TXNDC11: variants seen among roughly 807,000 people sequenced by gnomAD.
TXNDC11 encodes thioredoxin domain-containing protein 11.
Under a neutral mutation model 78.0 loss-of-function variants are expected in TXNDC11, and 68 were observed. The ratio of observed to expected loss-of-function variants is 0.87; its 90% confidence interval spans 0.72 to 1.07. TXNDC11 has a LOEUF of 1.07. Ranked by LOEUF, TXNDC11 falls within the 50% of genes least tolerant of loss-of-function variation. The probability of loss-of-function intolerance (pLI) is 0.00; values close to 1 mark genes in which losing one functional copy is unlikely to be tolerated. For missense variants in TXNDC11, 1,389 were observed against 1,221.8 expected (o/e 1.14, Z -2.04); for synonymous variants, 571 against 495.2 (o/e 1.15, Z -2.03).
chr16:11,719,991 G>A (rs908020651), intron 5 of TXNDC11, among the ~76,000 whole-genome samples: 23 of 152,176 alleles, frequency 1.5e-4, no homozygotes, highest in Non-Finnish European at 2.9e-4. Flanking sequence ...AAGGAGAAGC[G>A]AGTGGATACC....
At chr16:11,712,769 G>C (rs775910556) in intron 5 of TXNDC11, among the ~76,000 whole-genome samples, 14 of 151,864 alleles carry the variant, frequency 9.2e-5, no homozygotes, top group Non-Finnish European at 1.6e-4. Flanking sequence ...CCAGGGTAAC[G>C]TGGTGAAACT....
intron 5 of TXNDC11, among the ~76,000 whole-genome samples, chr16:11,713,740 T>G (rs1204416165): frequency 6.6e-6 from 1 of 152,142 alleles, no homozygotes; most frequent in Non-Finnish European, 1.5e-5. Flanking sequence ...TTTAATATGT[T>G]TATTTTAATC....
At chr16:11,710,817 A>T (rs2051328539) in intron 5 of TXNDC11, among the ~76,000 whole-genome samples, 1 of 152,202 alleles carries the variant, frequency 6.6e-6, no homozygotes, top group South Asian at 2.1e-4. Context: ...CCTGTCAAAT[A>T]AATAAATAAA....
intron 4 of TXNDC11, among the ~76,000 whole-genome samples, chr16:11,728,777 C>A (rs886783538): frequency 2.0e-5 from 3 of 151,996 alleles, no homozygotes; most frequent in African/African-American, 7.3e-5. Flanking sequence ...CAGAGTGAAA[C>A]CCTATCTCAA....
chr16:11,734,148 T>C (rs979484185), intron 2 of TXNDC11, 69 bp from the exon 3 acceptor site: 7 of 1,071,796 alleles, frequency 6.5e-6, no homozygotes, highest in African/African-American at 1.6e-5. Context: ...ATTTAAAAGA[T>C]GAAATTTAAA....
chr16:11,688,674 T>C (rs1411245653), intron 8 of TXNDC11: 1 of 409,508 alleles, frequency 2.4e-6, no homozygotes. Context: ...CTATGCAATG[T>C]TAGATGCTCT....
At chr16:11,739,300 G>A (rs886685398) in intron 1 of TXNDC11, among the ~76,000 whole-genome samples, 8 of 152,172 alleles carry the variant, frequency 5.3e-5, no homozygotes, top group Admixed American at 5.2e-4. Flanking sequence ...TATACATAGA[G>A]CAAAGATTTC....
At chr16:11,728,210 T>C (rs12599288) in intron 4 of TXNDC11, among the ~76,000 whole-genome samples, 35,746 of 152,216 alleles carry the variant, frequency 0.23, 5,318 homozygotes, top group East Asian at 0.43. Context: ...CTCTATCTTA[T>C]AGGCAGTGTG....
At chr16:11,692,761 C>G (rs2050756358) in intron 7 of TXNDC11, among the ~76,000 whole-genome samples, 1 of 152,178 alleles carries the variant, frequency 6.6e-6, no homozygotes, top group Non-Finnish European at 1.5e-5. Context: ...CCAGGCATGG[C>G]ACTCCTGGGC....
At chr16:11,722,991 T>A (rs2051756574) in intron 4 of TXNDC11, among the ~76,000 whole-genome samples, 1 of 152,192 alleles carries the variant, frequency 6.6e-6, no homozygotes, top group Admixed American at 6.5e-5. Context: ...GTGCAGTAGC[T>A]CACACTTGTA....
At chr16:11,707,508 G>A (rs1476384815) in intron 5 of TXNDC11, among the ~76,000 whole-genome samples, 2 of 151,178 alleles carry the variant, frequency 1.3e-5, no homozygotes, top group Non-Finnish European at 2.9e-5. Context: ...CAGTAAAGTG[G>A]CCCAATCTTG....
chr16:11,694,301 G>A (rs1200643820), intron 7 of TXNDC11, among the ~76,000 whole-genome samples: 1 of 151,680 alleles, frequency 6.6e-6, no homozygotes, highest in Admixed American at 6.6e-5. Context: ...ATTTCGCCTG[G>A]TTAATTTTTT....
In TXNDC11 at chr16:11,691,286, G is replaced by C; in HGVS notation, c.1900+4C>G. 8 of 1,607,400 alleles carry C rather than the reference G, an allele frequency of 5.0e-6. No homozygotes were observed. Among genetic ancestry groups the C allele is most frequent in the Non-Finnish European group, 6.8e-6 (8 of 1,176,604 alleles). On this transcript the variant is annotated splice_donor_region_variant and intron_variant, in intron 8 of 11. Transcript: ENST00000283033. Reference sequence around the variant, plus strand: ...TGCTTGGGGAAATAAACTGCCTGCAGTACCTAGGGTGAGCTTCATCAGTGC... The same window carrying C: ...TGCTTGGGGAAATAAACTGCCTGCACTACCTAGGGTGAGCTTCATCAGTGC...
At chr16:11,687,592 C>G (rs2050599248) in intron 10 of TXNDC11, among the ~76,000 whole-genome samples, 1 of 152,226 alleles carries the variant, frequency 6.6e-6, no homozygotes, top group East Asian at 1.9e-4. Flanking sequence ...CAGGTCAGTG[C>G]TCTCCCCACA....
intron 4 of TXNDC11, among the ~76,000 whole-genome samples, chr16:11,729,165 G>C (rs1047652272): frequency 6.6e-6 from 1 of 152,160 alleles, no homozygotes; most frequent in African/African-American, 2.4e-5. Flanking sequence ...CTGTTAGAAG[G>C]AATCTCAAGG....
Position 11,717,952 on chromosome 16 carries a change from G to T in TXNDC11, c.793+3625C>A, listed in dbSNP as rs151256974. The stretch of plus-strand genomic sequence containing the variant: ...TGAGGCCGAGCCCTGGAGAAAAAAG[G>T]AAACAGTTAAAACAACAAGAGAAGG... On this transcript the variant is annotated intron_variant, in intron 5 of 11. Coordinates refer to ENST00000283033, the MANE Select transcript of TXNDC11 (RefSeq NM_015914.7). Among the ~76,000 whole-genome samples the T allele has an allele frequency of 1.2e-4, 18 of 152,240 alleles. 1 individual carries two copies. The highest frequency in any genetic ancestry group is 3.4e-4 in the African/African-American group (14 of 41,500).
chr16:11,686,672 G>A (rs1385049234), intron 10 of TXNDC11, among the ~76,000 whole-genome samples: 1 of 152,150 alleles, frequency 6.6e-6, no homozygotes, highest in African/African-American at 2.4e-5. Context: ...CTTTGTTACT[G>A]TTTTAATTTA....
chr16:11,696,145 C>T (rs975193466), intron 7 of TXNDC11, among the ~76,000 whole-genome samples: 1 of 152,146 alleles, frequency 6.6e-6, no homozygotes, highest in African/African-American at 2.4e-5. Context: ...CCAGTTAGCC[C>T]TTCCTGCAGA....
At chr16:11,719,702 C>A (rs1312712496) in intron 5 of TXNDC11, among the ~76,000 whole-genome samples, 1 of 152,134 alleles carries the variant, frequency 6.6e-6, no homozygotes, top group Non-Finnish European at 1.5e-5. Context: ...ACAGAAAGAA[C>A]ACTAACATGA....
Sources: gnomAD v4.1 joint callset for allele counts (sites outside exome capture counted in the v4.1 genomes callset) on GRCh38, gnomAD v4.1.1 for gene constraint, MANE v1.5 for transcripts, NCBI Gene and HGNC (gene_info 2026-07-23, HGNC 2026-07-21) for gene names.